CHLSN: variants seen among roughly 807,000 people sequenced by gnomAD.
CHLSN encodes cholesin.
At chr7:995,576 T>G in the CHLSN span, among the ~76,000 whole-genome samples, 3 of 152,226 alleles carry the variant, frequency 2.0e-5, no homozygotes, top group African/African-American at 7.2e-5. Context: ...CTCTGCTGTT[T>G]GTTTAAGGTG....
At chr7:989,071 C>T in the CHLSN span, 1 of 458,932 alleles carries the variant, frequency 2.2e-6, no homozygotes, top group East Asian at 3.2e-5. Context: ...CCAGGAGCGC[C>T]TCCAGGGCCC....
the CHLSN span, among the ~76,000 whole-genome samples, chr7:1,042,201 C>T: frequency 3.3e-5 from 5 of 152,186 alleles, no homozygotes; most frequent in African/African-American, 9.7e-5. Flanking sequence ...AGGCCAGGAG[C>T]GCACAACTGC....
At chr7:1,070,928 G>GC in the CHLSN span, among the ~76,000 whole-genome samples, 8 of 100,886 alleles carry the variant, frequency 7.9e-5, no homozygotes, top group African/African-American at 2.9e-4. Flanking sequence ...AGCACGCACA[G>GC]ACACGCACAC....
chr7:1,046,440 A>G, the CHLSN span, among the ~76,000 whole-genome samples: 1 of 152,060 alleles, frequency 6.6e-6, no homozygotes, highest in Non-Finnish European at 1.5e-5. Context: ...CAGGGCTTTC[A>G]CTAACCCACC....
the CHLSN span, chr7:1,077,617 C>T: frequency 2.6e-5 from 4 of 152,328 alleles, no homozygotes; most frequent in Non-Finnish European, 1.5e-5. Flanking sequence ...ACCACCTTTT[C>T]CCTCTGCAGT....
the CHLSN span, chr7:988,933 A>C: frequency 1.5e-6 from 1 of 652,002 alleles, no homozygotes; most frequent in Non-Finnish European, 2.5e-6. Context: ...GGCCCTGAGG[A>C]CTCCCACCCT....
chr7:1,105,801 C>A, the CHLSN span, among the ~76,000 whole-genome samples: 4 of 152,110 alleles, frequency 2.6e-5, no homozygotes, highest in Non-Finnish European at 5.9e-5. Context: ...TAAATGTTTT[C>A]ATGTTTTCTG....
chr7:1,070,325 C>A, the CHLSN span, among the ~76,000 whole-genome samples: 1 of 142,962 alleles, frequency 7.0e-6, no homozygotes, highest in African/African-American at 2.5e-5. Context: ...AGCCCCCCGC[C>A]TGGCCAGCCG....
chr7:978,321 C>T, the CHLSN span, among the ~76,000 whole-genome samples: 3 of 152,128 alleles, frequency 2.0e-5, no homozygotes, highest in Non-Finnish European at 2.9e-5. Flanking sequence ...AGTTTGAGAC[C>T]AGCCTTGGCA....
chr7:1,071,737 G>T, the CHLSN span, among the ~76,000 whole-genome samples: 2 of 152,232 alleles, frequency 1.3e-5, no homozygotes, highest in African/African-American at 4.8e-5. Context: ...GCCCACCTCA[G>T]TCAAGTGACC....
At chr7:987,596 G>A in the CHLSN span, 1 of 1,401,800 alleles carries the variant, frequency 7.1e-7, no homozygotes, top group South Asian at 1.4e-5. Flanking sequence ...GGGTCCAGGG[G>A]CACTGGGACG....
chr7:1,058,961 AG>A, the CHLSN span: 20 of 187,076 alleles, frequency 1.1e-4, no homozygotes, highest in African/African-American at 4.5e-4. Context: ...GGCAACAGCC[AG>A]GGTGGCCGGG....
the CHLSN span, among the ~76,000 whole-genome samples, chr7:1,065,337 C>A: frequency 6.6e-6 from 1 of 152,368 alleles, no homozygotes; most frequent in Non-Finnish European, 1.5e-5. Flanking sequence ...AAAATGGGAA[C>A]GGAAGTCCAC....
the CHLSN span, among the ~76,000 whole-genome samples, chr7:1,055,816 C>T: frequency 6.6e-5 from 10 of 152,116 alleles, no homozygotes; most frequent in South Asian, 2.1e-4. Context: ...TGGACAGATC[C>T]GGGGGCCCTG....
At chr7:1,084,863 T>G in the CHLSN span, among the ~76,000 whole-genome samples, 1 of 152,254 alleles carries the variant, frequency 6.6e-6, no homozygotes, top group African/African-American at 2.4e-5. Context: ...AGGGCTCTGC[T>G]CCTGCAGAAT....
chr7:987,097 G>A, the CHLSN span: 10 of 1,522,290 alleles, frequency 6.6e-6, no homozygotes, highest in South Asian at 3.8e-5. Context: ...CCTGCCCCAC[G>A]CCTCTGCAGG....
the CHLSN span, among the ~76,000 whole-genome samples, chr7:1,038,567 C>CGGGA: frequency 1.3e-5 from 1 of 74,138 alleles, no homozygotes; most frequent in Non-Finnish European, 2.8e-5. Flanking sequence ...CCGCCCCGTC[C>CGGGA]GGGAGGTGAG....
the CHLSN span, among the ~76,000 whole-genome samples, chr7:1,064,363 G>T: frequency 6.6e-6 from 1 of 152,144 alleles, no homozygotes; most frequent in Non-Finnish European, 1.5e-5. Flanking sequence ...TCTGTAGGGA[G>T]ACAAGGCTTA....
At chr7:1,018,560 G>A in the CHLSN span, among the ~76,000 whole-genome samples, 3 of 151,740 alleles carry the variant, frequency 2.0e-5, no homozygotes, top group East Asian at 2.0e-4. Context: ...GGCACCTGGC[G>A]TGGGCTCCAG....
Sources: allele counts gnomAD v4.1 joint callset (sites outside exome capture counted in the v4.1 genomes callset), GRCh38; gene constraint gnomAD v4.1.1; transcripts MANE v1.5; gene names NCBI Gene and HGNC (gene_info 2026-07-23, HGNC 2026-07-21).